Variants in SEPTIN9 observed in about 807,000 individuals in gnomAD.
SEPTIN9 encodes septin 9, also known as septin-9.
Under a neutral mutation model 56.6 loss-of-function variants are expected in SEPTIN9, and 13 were observed. The observed-to-expected ratio is 0.23, with a 90% confidence interval of 0.15 to 0.37. SEPTIN9 has a LOEUF of 0.37. Ranked by LOEUF, SEPTIN9 falls within the 10% of genes least tolerant of loss-of-function variation. The probability of loss-of-function intolerance (pLI) is 1.00; values close to 1 mark genes in which losing one functional copy is unlikely to be tolerated. For synonymous variants in SEPTIN9, 332 were observed against 334.1 expected (o/e 0.99, Z 0.07); for missense variants, 650 against 823.1 (o/e 0.79, Z 2.57).
chr17:77,382,213 G>C (rs934876657), intron 2 of SEPTIN9, among the ~76,000 whole-genome samples: 3 of 152,124 alleles, frequency 2.0e-5, no homozygotes, highest in Non-Finnish European at 1.5e-5. Context: ...ATTTTTAGTA[G>C]AGACAAGGTT....
chr17:77,498,197 C>G (rs1190229173), intron 11 of SEPTIN9, among the ~76,000 whole-genome samples: 1 of 152,040 alleles, frequency 6.6e-6, no homozygotes, highest in African/African-American at 2.4e-5. Flanking sequence ...TGCTCCAGCC[C>G]TGTCCCTCTG....
At position 77,322,778 on chromosome 17, in the gene SEPTIN9, C is replaced by A. The variant is rs560192558; in HGVS notation, c.76+15581C>A. 8 of 152,528 alleles carry A rather than the reference C, an allele frequency of 5.2e-5. No homozygotes were observed. In the South Asian group the frequency reaches 1.4e-3, roughly 28 times the overall value. 9.4% of individuals were successfully genotyped at this position (152,528 alleles called of 1,614,324 possible). On this transcript the variant is annotated intron_variant, in intron 2 of 11. Coordinates refer to ENST00000427177, the MANE Select transcript of SEPTIN9 (RefSeq NM_001113491.2). ...CCTCTTCCCTCACTGAGGGGCTCTTCTTCTCTGCAGGGCATGGCTCACGCC... is the reference window on the plus strand; with the variant it reads ...CCTCTTCCCTCACTGAGGGGCTCTTATTCTCTGCAGGGCATGGCTCACGCC...
intron 2 of SEPTIN9, among the ~76,000 whole-genome samples, chr17:77,343,939 T>C (rs865911026): frequency 6.6e-6 from 1 of 152,060 alleles, no homozygotes; most frequent in Non-Finnish European, 1.5e-5. Context: ...GAAGAAAACA[T>C]AGGAGGAAAG....
At chr17:77,285,943 C>T (rs374995701) in intron 1 of SEPTIN9, among the ~76,000 whole-genome samples, 2 of 152,216 alleles carry the variant, frequency 1.3e-5, no homozygotes, top group Non-Finnish European at 2.9e-5. Flanking sequence ...AGAACACTTC[C>T]CCAGTCAGCT....
In SEPTIN9 at chr17:77,498,996, C is replaced by T. The variant is rs1357217735; in HGVS notation, c.*338C>T. On this transcript the variant is annotated 3_prime_UTR_variant, in exon 12 of 12. Transcript: ENST00000427177. ...AGATCATCCGTCTGTGTGGGGTTCT[C>T]AGTGCCGGAGGCCTTGGGGTGGGGG... 1.8e-6 allele frequency: 1 copy of T among 541,130 alleles called. No homozygotes were observed. The highest frequency in any genetic ancestry group is 3.6e-6 in the Non-Finnish European group (1 of 279,958). 33.5% of individuals were successfully genotyped at this position (541,130 alleles called of 1,614,324 possible).
At position 77,475,501 on chromosome 17, in the gene SEPTIN9, A is replaced by G; in HGVS notation, c.722-6643A>G. 1 of 1,604,150 alleles carries G rather than the reference A, an allele frequency of 6.2e-7. No homozygotes were observed. Among genetic ancestry groups the G allele is most frequent in the Non-Finnish European group, 8.5e-7 (1 of 1,175,950 alleles). On this transcript the variant is annotated intron_variant, in intron 3 of 11. Coordinates refer to ENST00000427177, the MANE Select transcript of SEPTIN9 (RefSeq NM_001113491.2). This position sits in a 1 kb window ranked among gnomAD's most constrained non-coding sequence, Gnocchi z 4.6. ...GGACAGGGAGCATCTGTTAGTTTATAGGACCTGAAGTGCCCCCATGGGCTC... is the reference window on the plus strand; with the variant it reads ...GGACAGGGAGCATCTGTTAGTTTATGGGACCTGAAGTGCCCCCATGGGCTC...
chr17:77,401,273 C>T (rs1039443184), intron 2 of SEPTIN9, among the ~76,000 whole-genome samples: 7 of 152,188 alleles, frequency 4.6e-5, no homozygotes, highest in Admixed American at 6.5e-5. Context: ...CTCCAGTGTC[C>T]GCCCTTAGTG....
intron 1 of SEPTIN9, among the ~76,000 whole-genome samples, chr17:77,304,411 G>A (rs753891895): frequency 1.3e-5 from 2 of 152,156 alleles, no homozygotes; most frequent in Non-Finnish European, 2.9e-5. Context: ...TTTCCCCACC[G>A]TTTCTCCACC....
Position 77,318,626 on chromosome 17 carries a change from T to C in SEPTIN9, c.76+11429T>C, listed in dbSNP as rs1354348965. Among the ~76,000 whole-genome samples, 1 of 152,044 alleles carries C rather than the reference T, an allele frequency of 6.6e-6. No homozygotes were observed. Among genetic ancestry groups the C allele is most frequent in the Non-Finnish European group, 1.5e-5 (1 of 68,004 alleles). On this transcript the variant is annotated intron_variant, in intron 2 of 11. Transcript: ENST00000427177. This position sits in a 1 kb window ranked among gnomAD's most constrained non-coding sequence, Gnocchi z 4.9. ...CTGTGGGGCTGTCCTCCAGGCTCTT[T>C]GGGAGGAGGTGGTTGCTTGATGTCT...
intron 2 of SEPTIN9, among the ~76,000 whole-genome samples, chr17:77,363,880 C>A (rs932666065): frequency 4.6e-5 from 7 of 152,124 alleles, no homozygotes; most frequent in African/African-American, 1.7e-4. Context: ...TGGCCTGGTT[C>A]CGGCAGCCTT....
At chr17:77,411,276 A>C (rs2036285706) in intron 3 of SEPTIN9, among the ~76,000 whole-genome samples, 1 of 152,174 alleles carries the variant, frequency 6.6e-6, no homozygotes, top group African/African-American at 2.4e-5. Context: ...AAAAAAGTCA[A>C]TGTGTAAATA....
At chr17:77,392,585 C>T (rs891158044) in intron 2 of SEPTIN9, among the ~76,000 whole-genome samples, 7 of 151,992 alleles carry the variant, frequency 4.6e-5, no homozygotes, top group East Asian at 1.9e-4. Context: ...GCACTGGAGG[C>T]GGGTCTTAGC....
At chr17:77,301,660 G>T (rs973416538) in intron 1 of SEPTIN9, among the ~76,000 whole-genome samples, 2 of 152,240 alleles carry the variant, frequency 1.3e-5, no homozygotes, top group African/African-American at 2.4e-5. Context: ...TGATTTGCCT[G>T]CCTTGGCCTC....
chr17:77,498,183 A>G (rs1038925041), intron 11 of SEPTIN9, among the ~76,000 whole-genome samples: 8 of 151,900 alleles, frequency 5.3e-5, no homozygotes, highest in Non-Finnish European at 7.4e-5. Flanking sequence ...GCCTGGAGCA[A>G]CAATGCTCCA....
chr17:77,398,455 GGGAA>G (rs1431064684), intron 2 of SEPTIN9, among the ~76,000 whole-genome samples: 1 of 152,122 alleles, frequency 6.6e-6, no homozygotes, highest in Non-Finnish European at 1.5e-5. Flanking sequence ...CCAGCTCCCC[GGGAA>G]GGGGGCTGGA....
chr17:77,412,889 A>AT (rs753885202), intron 3 of SEPTIN9, among the ~76,000 whole-genome samples: 243 of 152,228 alleles, frequency 1.6e-3, no homozygotes, highest in Admixed American at 3.0e-3. Flanking sequence ...TGGAATTCAC[A>AT]TCCTGTTTAG....
chr17:77,481,986 C>T, intron 3 of SEPTIN9, 158 bp from the exon 4 acceptor site: 1 of 669,924 alleles, frequency 1.5e-6, no homozygotes, highest in Non-Finnish European at 2.5e-6. Flanking sequence ...GGACATCCAC[C>T]CGGGGGAATT....
chr17:77,362,589 A>G (rs568076904), intron 2 of SEPTIN9, among the ~76,000 whole-genome samples: 7 of 152,194 alleles, frequency 4.6e-5, no homozygotes, highest in African/African-American at 1.4e-4. Flanking sequence ...ACTGGCTCCC[A>G]CCTCCTCAAG....
At position 77,362,956 on chromosome 17, in the gene SEPTIN9, G is replaced by C. The variant is rs563746108; in HGVS notation, c.77-39103G>C. 1.1e-3 allele frequency among the ~76,000 whole-genome samples: 175 copies of C among 152,236 alleles called. 1 individual carries two copies. The highest frequency in any genetic ancestry group is 1.5e-3 in the Non-Finnish European group (105 of 68,042). On this transcript the variant is annotated intron_variant, in intron 2 of 11. Coordinates refer to ENST00000427177, the MANE Select transcript of SEPTIN9 (RefSeq NM_001113491.2). ...CACCAGGCAGAGGGAACAGGATAGG[G>C]CAGGCACAGAGGTCTGGCACCTGGC...
Sources: gnomAD v4.1 joint callset for allele counts (sites outside exome capture counted in the v4.1 genomes callset) on GRCh38, gnomAD v4.1.1 for gene constraint, Gnocchi (gnomAD v3.1) non-coding constraint, MANE v1.5 for transcripts, NCBI Gene and HGNC (gene_info 2026-07-23, HGNC 2026-07-21) for gene names.